IL1RAPL1: variants seen among roughly 807,000 people sequenced by gnomAD.
The protein encoded by IL1RAPL1 is interleukin-1 receptor accessory protein-like 1.
IL1RAPL1 carries 3 observed loss-of-function variants against 48.4 expected under a neutral mutation model. The observed-to-expected ratio is 0.06, with a 90% CI of 0.03 to 0.16. IL1RAPL1 has a LOEUF of 0.16. Among genes scored for constraint, IL1RAPL1 ranks in the 10% least tolerant of loss-of-function variants. IL1RAPL1 has a pLI of 1.00. For missense variants in IL1RAPL1, 349 were observed against 530.6 expected, an observed-to-expected ratio of 0.66 and a Z score of 3.36; for synonymous variants, 185 against 187.7, an observed-to-expected ratio of 0.99 and a Z score of 0.12.
At chrX:29,091,259 C>A (rs898599879) in intron 2 of IL1RAPL1, among the ~76,000 whole-genome samples, 2 of 112,025 alleles carry the variant, frequency 1.8e-5, no homozygotes, top group African/African-American at 3.2e-5. Context: ...GATGAGCTTG[C>A]CTTATCATCA....
intron 2 of IL1RAPL1, among the ~76,000 whole-genome samples, chrX:29,267,223 G>T (rs1321748632): frequency 2.7e-5 from 3 of 111,776 alleles, no homozygotes; most frequent in Non-Finnish European, 5.6e-5. Context: ...CTCATCCCTT[G>T]CATGTCCCCA....
At chrX:29,147,778 C>A (rs1016763522) in intron 2 of IL1RAPL1, among the ~76,000 whole-genome samples, 2 of 111,717 alleles carry the variant, frequency 1.8e-5, no homozygotes, top group African/African-American at 6.5e-5. Context: ...ACTAATCATA[C>A]GAACTTAGAA....
intron 2 of IL1RAPL1, among the ~76,000 whole-genome samples, chrX:28,968,653 T>A (rs1043573657): frequency 9.8e-5 from 11 of 112,613 alleles, no homozygotes; most frequent in African/African-American, 3.2e-4. Context: ...GGAAAATAAA[T>A]TTCAAATATA....
At chrX:29,177,288 T>C (rs1440873389) in intron 2 of IL1RAPL1, among the ~76,000 whole-genome samples, 1 of 112,213 alleles carries the variant, frequency 8.9e-6, no homozygotes, top group Non-Finnish European at 1.9e-5. Flanking sequence ...TTGGCTCATT[T>C]TGAAGATGTA....
At chrX:29,804,653 A>G (rs932013996) in intron 6 of IL1RAPL1, among the ~76,000 whole-genome samples, 15 of 112,205 alleles carry the variant, frequency 1.3e-4, no homozygotes, top group African/African-American at 4.9e-4. Context: ...TGGAAGTGTG[A>G]GTCCATTAAA....
intron 5 of IL1RAPL1, among the ~76,000 whole-genome samples, chrX:29,657,778 T>G (rs1925725765): frequency 9.1e-6 from 1 of 110,088 alleles, no homozygotes. Flanking sequence ...ACAGGATACA[T>G]AATTTCTTGG....
At chrX:29,686,126 C>A (rs746016193) in intron 6 of IL1RAPL1, among the ~76,000 whole-genome samples, 13 of 111,472 alleles carry the variant, frequency 1.2e-4, no homozygotes, top group Non-Finnish European at 2.1e-4. Flanking sequence ...GAGAAACTGA[C>A]TTTATTCTAG....
chrX:29,837,294 T>TACACAC (rs1435991693), intron 6 of IL1RAPL1, among the ~76,000 whole-genome samples: 2 of 74,885 alleles, frequency 2.7e-5, no homozygotes, highest in African/African-American at 1.3e-4. Context: ...TATATATATA[T>TACACAC]ATATATACAC....
chrX:29,180,624 A>C (rs191330563), intron 2 of IL1RAPL1, among the ~76,000 whole-genome samples: 76 of 110,832 alleles, frequency 6.9e-4, no homozygotes, highest in Middle Eastern at 9.3e-3. Flanking sequence ...TGATCTGCCC[A>C]CCTTGGCCTC....
At chrX:28,786,933 A>G (rs1320324407) in intron 1 of IL1RAPL1, among the ~76,000 whole-genome samples, 1 of 112,245 alleles carries the variant, frequency 8.9e-6, no homozygotes, top group Non-Finnish European at 1.9e-5. Flanking sequence ...CTATGGCTAG[A>G]TACATTTAAT....
At chrX:28,798,264 A>G (rs1158750669) in intron 2 of IL1RAPL1, among the ~76,000 whole-genome samples, 9 of 111,857 alleles carry the variant, frequency 8.0e-5, no homozygotes, top group South Asian at 3.8e-4. Flanking sequence ...GTGGTCAACT[A>G]TAGGCTTGCA....
chrX:29,870,772 T>C (rs1360808149), intron 6 of IL1RAPL1, among the ~76,000 whole-genome samples: 1 of 112,246 alleles, frequency 8.9e-6, no homozygotes. Context: ...GATATACCCA[T>C]ATCTTGGTAT....
chrX:28,768,204 C>T (rs1936263335), intron 1 of IL1RAPL1, among the ~76,000 whole-genome samples: 2 of 111,537 alleles, frequency 1.8e-5, no homozygotes, highest in African/African-American at 6.5e-5. Context: ...CCTAGTTCAA[C>T]AAAATTCTGA....
chrX:29,787,751 T>A (rs1929534018), intron 6 of IL1RAPL1, among the ~76,000 whole-genome samples: 1 of 111,948 alleles, frequency 8.9e-6, no homozygotes, highest in Non-Finnish European at 1.9e-5. Flanking sequence ...TTTTATTCCA[T>A]ATGCTTAAAG....
intron 1 of IL1RAPL1, among the ~76,000 whole-genome samples, chrX:28,738,590 T>A (rs1935872916): frequency 9.0e-6 from 1 of 110,984 alleles, no homozygotes; most frequent in Non-Finnish European, 1.9e-5. Flanking sequence ...GTGAGTTATG[T>A]GTGTATTAGA....
intron 3 of IL1RAPL1, among the ~76,000 whole-genome samples, chrX:29,348,315 TAGAG>T (rs753133512): frequency 8.1e-5 from 9 of 111,288 alleles, no homozygotes; most frequent in African/African-American, 2.0e-4. Flanking sequence ...TTACCTAAGA[TAGAG>T]AGAGAGAAAA....
At chrX:29,484,159 T>A (rs928915945) in intron 5 of IL1RAPL1, among the ~76,000 whole-genome samples, 3 of 111,995 alleles carry the variant, frequency 2.7e-5, no homozygotes, top group African/African-American at 9.7e-5. Flanking sequence ...TCTGTTACTA[T>A]AACAAAATAC....
chrX:29,934,072 T>C (rs1932991807), intron 8 of IL1RAPL1, among the ~76,000 whole-genome samples: 1 of 110,739 alleles, frequency 9.0e-6, no homozygotes, highest in African/African-American at 3.3e-5. Context: ...AGGAAATACA[T>C]GTTCTAAAGA....
In IL1RAPL1 at chrX:29,207,755, C is replaced by A. The variant is rs777378232; in HGVS notation, c.83-75183C>A. ...CTTATATAGACTGAAAAATCATGGA[C>A]TTATGAAGGCAACAATTCATACCAA... On this transcript the variant is annotated intron_variant, in intron 2 of 10. Transcript: ENST00000378993. 4.5e-5 allele frequency among the ~76,000 whole-genome samples: 5 copies of A among 111,439 alleles called. No homozygotes were observed. In the South Asian group the frequency reaches 1.9e-3, roughly 42 times the overall value.
Sources: allele counts gnomAD v4.1 joint callset (sites outside exome capture counted in the v4.1 genomes callset), GRCh38; gene constraint gnomAD v4.1.1; transcripts MANE v1.5; gene names NCBI Gene and HGNC (gene_info 2026-07-23, HGNC 2026-07-21).